The following FBXL17 variants were observed in gnomAD, a reference collection of about 807,000 sequenced individuals.
The protein encoded by FBXL17 is F-box and leucine rich repeat protein 17.
In FBXL17, 22 loss-of-function variants were observed where a neutral mutation model predicts 66.2. That is an observed-to-expected ratio of 0.33 (90% CI 0.24 to 0.47). FBXL17 has a LOEUF of 0.47. Among genes scored for constraint, FBXL17 ranks in the 20% least tolerant of loss-of-function variants. The pLI, the probability that FBXL17 is intolerant of heterozygous loss-of-function variation, is 1.00. For missense variants in FBXL17, 878 were observed against 948.2 expected (o/e 0.93, Z 0.97); for synonymous variants, 474 against 400.5 (o/e 1.18, Z -2.19).
chr5:107,991,386 TG>T (rs1005274568), intron 7 of FBXL17, among the ~76,000 whole-genome samples: 2 of 152,128 alleles, frequency 1.3e-5, no homozygotes, highest in Non-Finnish European at 2.9e-5. Context: ...TATCCTCTTT[TG>T]GGGGGTGGGG....
chr5:107,879,026 G>C (rs1174302155), intron 8 of FBXL17: 1 of 985,234 alleles, frequency 1.0e-6, no homozygotes, highest in Non-Finnish European at 1.2e-6. Context: ...ATTTAATTTT[G>C]GACTAATTTG....
At chr5:108,062,266 G>A (rs539813553) in intron 6 of FBXL17, among the ~76,000 whole-genome samples, 17 of 152,090 alleles carry the variant, frequency 1.1e-4, no homozygotes, top group Admixed American at 3.3e-4. Context: ...TTGCTCTTCC[G>A]TAGCTTGGCA....
chr5:108,025,185 C>T (rs1458273476), intron 6 of FBXL17, among the ~76,000 whole-genome samples: 2 of 152,202 alleles, frequency 1.3e-5, no homozygotes, highest in African/African-American at 4.8e-5. Flanking sequence ...TGATGTGCTT[C>T]AAACCCTAAA....
chr5:108,242,485 G>C (rs1580678759), intron 4 of FBXL17, among the ~76,000 whole-genome samples: 1 of 151,960 alleles, frequency 6.6e-6, no homozygotes, highest in South Asian at 2.1e-4. Context: ...GCCTCCAAAA[G>C]TGCTCGGATT....
intron 7 of FBXL17, among the ~76,000 whole-genome samples, chr5:107,966,618 T>C (rs1167728263): frequency 6.6e-6 from 1 of 152,130 alleles, no homozygotes; most frequent in Non-Finnish European, 1.5e-5. Flanking sequence ...CCTGGAAGCA[T>C]TTTTGTTCGA....
chr5:108,034,764 C>T (rs288158), intron 6 of FBXL17, among the ~76,000 whole-genome samples: 117,944 of 152,062 alleles, frequency 0.78, 46,125 homozygotes, highest in East Asian at 0.93. Flanking sequence ...TGAGAAATAA[C>T]TGCAAAGTTA....
chr5:108,009,296 T>C lies in FBXL17; in HGVS notation c.1822+11629A>G, dbSNP rs428999. Among the ~76,000 whole-genome samples, 25 of 32,426 alleles carry C rather than the reference T, an allele frequency of 7.7e-4. 3 individuals are homozygous for C. The highest frequency in any genetic ancestry group is 2.1e-3 in the African/African-American group (22 of 10,476). The allele number at this position is 32,426 out of a possible 152,430, so 21.3% of individuals were successfully genotyped here. ...ATATATATATATATATATATATATA[T>C]ATATACATATATACATACACATATA... is the stretch of plus-strand genomic sequence containing the variant. On this transcript the variant is annotated intron_variant, in intron 7 of 8. Coordinates refer to ENST00000542267, the MANE Select transcript of FBXL17 (RefSeq NM_001163315.3).
intron 7 of FBXL17, among the ~76,000 whole-genome samples, chr5:107,940,007 G>C (rs554116814): frequency 6.6e-6 from 1 of 152,250 alleles, no homozygotes; most frequent in East Asian, 1.9e-4. Context: ...AGTGCTTAAT[G>C]TGTTAAACAG....
chr5:107,976,556 T>C (rs1446517251), intron 7 of FBXL17, among the ~76,000 whole-genome samples: 1 of 152,238 alleles, frequency 6.6e-6, no homozygotes, highest in Non-Finnish European at 1.5e-5. Context: ...TGTCTGCCCA[T>C]GACTTCTCAT....
At chr5:108,340,922 A>G (rs1382316659) in intron 4 of FBXL17, among the ~76,000 whole-genome samples, 1 of 152,164 alleles carries the variant, frequency 6.6e-6, no homozygotes, top group Non-Finnish European at 1.5e-5. Context: ...CATGATTTCA[A>G]TTACCAGTAG....
intron 6 of FBXL17, among the ~76,000 whole-genome samples, chr5:108,164,027 C>T (rs964275671): frequency 3.3e-5 from 5 of 152,138 alleles, no homozygotes; most frequent in Non-Finnish European, 5.9e-5. Flanking sequence ...TTTCCCTGAG[C>T]ACCTGAAAAT....
At chr5:108,353,217 G>A (rs1747758479) in intron 3 of FBXL17, among the ~76,000 whole-genome samples, 1 of 152,184 alleles carries the variant, frequency 6.6e-6, no homozygotes, top group Non-Finnish European at 1.5e-5. Context: ...AGATCCATCA[G>A]AGAAATGAAG....
chr5:107,878,063 A>C (rs1748665348), intron 8 of FBXL17, among the ~76,000 whole-genome samples: 1 of 152,120 alleles, frequency 6.6e-6, no homozygotes, highest in Admixed American at 6.6e-5. Context: ...TGCTGGAGTA[A>C]GATGGTTAAT....
intron 3 of FBXL17, among the ~76,000 whole-genome samples, chr5:108,357,807 T>G (rs1487815489): frequency 6.6e-6 from 1 of 151,990 alleles, no homozygotes; most frequent in Non-Finnish European, 1.5e-5. Flanking sequence ...GAATGACACG[T>G]TTCTTAATAA....
At chr5:108,088,566 T>A (rs926056313) in intron 6 of FBXL17, among the ~76,000 whole-genome samples, 2 of 151,790 alleles carry the variant, frequency 1.3e-5, no homozygotes, top group Non-Finnish European at 2.9e-5. Context: ...CTGGGCATGG[T>A]GGCACGCACC....
chr5:108,063,867 G>T (rs1468792376), intron 6 of FBXL17, among the ~76,000 whole-genome samples: 1 of 151,814 alleles, frequency 6.6e-6, no homozygotes, highest in African/African-American at 2.4e-5. Flanking sequence ...AAAAAAATTT[G>T]CTTTGAATAA....
intron 8 of FBXL17, among the ~76,000 whole-genome samples, chr5:107,867,852 C>T (rs1255691974): frequency 1.3e-5 from 2 of 152,138 alleles, no homozygotes; most frequent in African/African-American, 4.8e-5. Context: ...AGAAATTCTG[C>T]CACCAAAACT....
chr5:108,001,073 A>G (rs904476963), intron 7 of FBXL17, among the ~76,000 whole-genome samples: 7 of 152,228 alleles, frequency 4.6e-5, no homozygotes, highest in African/African-American at 2.4e-5. Context: ...AAAGCAACTA[A>G]TAATACTAAA....
intron 6 of FBXL17, among the ~76,000 whole-genome samples, chr5:108,057,954 C>T (rs1477218133): frequency 6.6e-6 from 1 of 152,068 alleles, no homozygotes; most frequent in Non-Finnish European, 1.5e-5. Context: ...CTTCATTTGA[C>T]GAATGAAGGA....
Sources: gnomAD v4.1 joint callset for allele counts (sites outside exome capture counted in the v4.1 genomes callset) on GRCh38, gnomAD v4.1.1 for gene constraint, MANE v1.5 for transcripts, NCBI Gene and HGNC (gene_info 2026-07-23, HGNC 2026-07-21) for gene names.